The following ADAMTSL1 variants were observed in gnomAD, a reference collection of about 807,000 sequenced individuals.
ADAMTSL1 encodes ADAMTS like 1, also known as ADAMTS-like protein 1.
Under a neutral mutation model 201.8 loss-of-function variants are expected in ADAMTSL1, and 126 were observed. That is an observed-to-expected ratio of 0.62 (90% CI 0.54 to 0.72). The LOEUF (loss-of-function observed/expected upper bound fraction) is 0.72. Among genes scored for constraint, ADAMTSL1 ranks in the 30% least tolerant of loss-of-function variants. The pLI is 0.00. For missense variants in ADAMTSL1, 2,679 were observed against 2,277.8 expected (o/e 1.18, Z -3.59); for synonymous variants, 1,121 against 903.4 (o/e 1.24, Z -4.32).
At chr9:18,358,162 T>C (rs1836339965) in intron 2 of ADAMTSL1, among the ~76,000 whole-genome samples, 1 of 152,184 alleles carries the variant, frequency 6.6e-6, no homozygotes, top group Non-Finnish European at 1.5e-5. Flanking sequence ...CTTACAGTTG[T>C]GAAAATTAAG....
intron 2 of ADAMTSL1, among the ~76,000 whole-genome samples, chr9:18,250,023 C>G (rs1831405540): frequency 6.6e-6 from 1 of 152,216 alleles, no homozygotes; most frequent in African/African-American, 2.4e-5. Flanking sequence ...TAAATACTAT[C>G]TAATTTCCTG....
intron 23 of ADAMTSL1, among the ~76,000 whole-genome samples, chr9:18,875,112 T>G (rs1362175274): frequency 6.6e-6 from 1 of 152,176 alleles, no homozygotes; most frequent in African/African-American, 2.4e-5. Flanking sequence ...ATTTGAAACA[T>G]CTCCCATTTT....
intron 1 of ADAMTSL1, among the ~76,000 whole-genome samples, chr9:18,137,815 G>C (rs745406915): frequency 3.3e-5 from 5 of 152,152 alleles, no homozygotes; most frequent in Non-Finnish European, 7.4e-5. Context: ...CTGTATTCTA[G>C]GGTGCTAAGA....
chr9:18,340,952 C>A (rs1192224216), intron 2 of ADAMTSL1, among the ~76,000 whole-genome samples: 1 of 152,066 alleles, frequency 6.6e-6, no homozygotes, highest in African/African-American at 2.4e-5. Context: ...TTTTCTTCAT[C>A]CCCACTGTCA....
At chr9:18,384,015 G>T (rs954607799) in intron 2 of ADAMTSL1, among the ~76,000 whole-genome samples, 7 of 152,072 alleles carry the variant, frequency 4.6e-5, no homozygotes, top group Admixed American at 3.3e-4. Context: ...CATATTTTGA[G>T]GCTTTACATT....
Position 18,212,851 on chromosome 9 carries a change from T to G in ADAMTSL1, c.207+48870T>G, listed in dbSNP as rs116827739. Among the ~76,000 whole-genome samples the G allele has an allele frequency of 6.4e-3, 972 of 152,160 alleles. 19 individuals carry two copies. Among genetic ancestry groups the G allele is most frequent in the African/African-American group, 0.023 (938 of 41,512 alleles). On this transcript the variant is annotated intron_variant, in intron 2 of 29. Coordinates refer to the ADAMTSL1 transcript ENST00000680146. ...ATGTGCTTCAACATTCCCCACAAAT[T>G]TTTTCCCCACAATGGTCATAAGATT...
exon 2 of ADAMTSL1, chr9:18,163,869 G>C (rs1000617346): frequency 1.3e-5 from 2 of 152,014 alleles, no homozygotes; most frequent in Non-Finnish European, 2.9e-5. Flanking sequence ...TAGGTATGCG[G>C]AGACCAAAGC....
chr9:18,107,420 A>C (rs568569007), intron 1 of ADAMTSL1, among the ~76,000 whole-genome samples: 2 of 152,330 alleles, frequency 1.3e-5, no homozygotes, highest in Non-Finnish European at 2.9e-5. Context: ...TGAAGCTGAA[A>C]CAAAACTGCC....
chr9:18,583,922 A>C (rs1823289350), intron 4 of ADAMTSL1, among the ~76,000 whole-genome samples: 1 of 152,176 alleles, frequency 6.6e-6, no homozygotes, highest in South Asian at 2.1e-4. Context: ...TTGTGTCCGG[A>C]AATAACTAAC....
At chr9:17,952,749 A>C (rs1380877498) in intron 1 of ADAMTSL1, among the ~76,000 whole-genome samples, 3 of 151,798 alleles carry the variant, frequency 2.0e-5, no homozygotes, top group African/African-American at 7.3e-5. Context: ...CTGGTCTCGA[A>C]CTCCTGGACT....
chr9:18,238,696 A>C (rs1008508645), intron 2 of ADAMTSL1, among the ~76,000 whole-genome samples: 3 of 152,140 alleles, frequency 2.0e-5, no homozygotes, highest in African/African-American at 7.2e-5. Context: ...TTTTTCTTTA[A>C]GTTGTGAATT....
At chr9:18,497,876 C>G (rs1822611984) in intron 1 of ADAMTSL1, among the ~76,000 whole-genome samples, 1 of 152,148 alleles carries the variant, frequency 6.6e-6, no homozygotes, top group Non-Finnish European at 1.5e-5. Flanking sequence ...AAAATAAAAT[C>G]AAGTTACCAT....
intron 14 of ADAMTSL1, among the ~76,000 whole-genome samples, chr9:18,713,569 C>A (rs929389495): frequency 6.6e-6 from 1 of 151,216 alleles, no homozygotes; most frequent in African/African-American, 2.4e-5. Flanking sequence ...TATATATGCA[C>A]CCAATACAGG....
chr9:18,340,150 A>T (rs1465651969), intron 2 of ADAMTSL1, among the ~76,000 whole-genome samples: 1 of 152,170 alleles, frequency 6.6e-6, no homozygotes, highest in South Asian at 2.1e-4. Context: ...GGCTTCCCCA[A>T]CACCACCTAT....
upstream of ADAMTSL1, among the ~76,000 whole-genome samples, chr9:18,472,431 G>A (rs1436400070): frequency 1.3e-5 from 2 of 152,178 alleles, no homozygotes; most frequent in African/African-American, 4.8e-5. Context: ...TTATGGATTT[G>A]TACTGTCCAT....
chr9:18,199,890 A>C (rs1829361977), intron 2 of ADAMTSL1, among the ~76,000 whole-genome samples: 1 of 143,658 alleles, frequency 7.0e-6, no homozygotes, highest in African/African-American at 2.5e-5. Context: ...AAACTTGCTA[A>C]ATTTTTTTTC....
In ADAMTSL1 at chr9:18,266,575, C is replaced by G. The variant is rs74499732; in HGVS notation, c.207+102594C>G. ...GCTCTGGGAAAGCTAAAACTTGAAT[C>G]AAAAGTTCTATTTGTTTGTTGAGTT... On this transcript the variant is annotated intron_variant, in intron 2 of 29. Transcript: ENST00000680146. Among the ~76,000 whole-genome samples the G allele has an allele frequency of 9.3e-3, 1,416 of 152,232 alleles. 21 individuals are homozygous for G. Among genetic ancestry groups the G allele is most frequent in the African/African-American group, 0.033 (1,365 of 41,530 alleles).
intron 2 of ADAMTSL1, 59 bp downstream of exon 2, chr9:18,505,015 T>A (rs951906957): frequency 1.3e-6 from 2 of 1,559,464 alleles, no homozygotes; most frequent in East Asian, 2.3e-5. Context: ...GTTTGAGGCA[T>A]GCTTTTGTGA....
intron 23 of ADAMTSL1, among the ~76,000 whole-genome samples, chr9:18,839,871 T>C (rs1825598675): frequency 1.3e-5 from 2 of 149,994 alleles, no homozygotes; most frequent in African/African-American, 4.9e-5. Flanking sequence ...CGCCCACTTT[T>C]GGATGGGGTT....
Sources: gnomAD v4.1 joint callset for allele counts (sites outside exome capture counted in the v4.1 genomes callset) on GRCh38, gnomAD v4.1.1 for gene constraint, MANE v1.5 for transcripts, NCBI Gene and HGNC (gene_info 2026-07-23, HGNC 2026-07-21) for gene names.